Variants in MTA3 observed in about 807,000 individuals in gnomAD.
The protein encoded by MTA3 is metastasis associated 1 family member 3.
A neutral mutation model predicts 83.5 loss-of-function variants in MTA3; 34 were observed. The observed-to-expected ratio is 0.41, with a 90% CI of 0.31 to 0.54. The LOEUF (loss-of-function observed/expected upper bound fraction) is 0.54. MTA3 is among the 20% of genes least tolerant of loss of function. The pLI, the probability that MTA3 is intolerant of heterozygous loss-of-function variation, is 0.33. For synonymous variants in MTA3, 303 were observed against 252.7 expected, an observed-to-expected ratio of 1.20 and a Z score of -1.89; for missense variants, 761 against 726.4, an observed-to-expected ratio of 1.05 and a Z score of -0.55.
At chr2:42,685,515 C>A (rs1403021845) in intron 9 of MTA3, among the ~76,000 whole-genome samples, 1 of 152,220 alleles carries the variant, frequency 6.6e-6, no homozygotes, top group Non-Finnish European at 1.5e-5. Context: ...CGTGCTGTCT[C>A]TCCCTTGAAC....
intron 14 of MTA3, among the ~76,000 whole-genome samples, chr2:42,718,719 C>T (rs922990662): frequency 9.2e-5 from 14 of 151,984 alleles, no homozygotes; most frequent in Non-Finnish European, 1.3e-4. Flanking sequence ...GCTGAGAGCA[C>T]GCTATTGTAC....
At chr2:42,527,236 A>G (rs953979944) in intron 2 of MTA3, among the ~76,000 whole-genome samples, 2 of 152,058 alleles carry the variant, frequency 1.3e-5, no homozygotes, top group African/African-American at 4.8e-5. Flanking sequence ...TCAACAAATC[A>G]AGGCTCAGCT....
At chr2:42,556,183 G>A (rs539246248) in intron 2 of MTA3, among the ~76,000 whole-genome samples, 1 of 151,446 alleles carries the variant, frequency 6.6e-6, no homozygotes, top group South Asian at 2.1e-4. Context: ...CAGCCTGACT[G>A]TTTGGGTGTC....
At chr2:42,594,724 A>AT (rs1290668170) in intron 3 of MTA3, among the ~76,000 whole-genome samples, 27 of 31,260 alleles carry the variant, frequency 8.6e-4, no homozygotes, top group African/African-American at 3.5e-3. Context: ...ATATATATAT[A>AT]TATATTTTTT....
intron 4 of MTA3, among the ~76,000 whole-genome samples, chr2:42,636,873 C>T (rs896823025): frequency 2.5e-4 from 38 of 152,152 alleles, no homozygotes; most frequent in Non-Finnish European, 8.8e-5. Context: ...GACCCGCCCG[C>T]ATCGGCCTCC....
chr2:42,703,814 C>T (rs978185557), intron 11 of MTA3: 14 of 166,580 alleles, frequency 8.4e-5, no homozygotes, highest in Non-Finnish European at 1.4e-4. Flanking sequence ...TGCTTGAACC[C>T]GGGACACGGA....
At chr2:42,577,133 T>A (rs1484196076) in intron 2 of MTA3, among the ~76,000 whole-genome samples, 13 of 84,812 alleles carry the variant, frequency 1.5e-4, no homozygotes, top group South Asian at 5.6e-4. Context: ...TATATATATA[T>A]AAAAATGAAC....
At chr2:42,625,946 C>CTTT (rs540658051) in intron 4 of MTA3, among the ~76,000 whole-genome samples, 1 of 129,002 alleles carries the variant, frequency 7.8e-6, no homozygotes, top group Non-Finnish European at 1.7e-5. Context: ...TTTTTTTTTT[C>CTTT]TTTTTTTTTT....
chr2:42,527,836 A>AAG (rs1675787976), intron 2 of MTA3, among the ~76,000 whole-genome samples: 1 of 151,722 alleles, frequency 6.6e-6, no homozygotes, highest in Non-Finnish European at 1.5e-5. Context: ...AAAAAAAAAA[A>AAG]ACAAAAACAA....
chr2:42,714,878 A>T (rs1666916089), intron 14 of MTA3, among the ~76,000 whole-genome samples: 1 of 152,172 alleles, frequency 6.6e-6, no homozygotes, highest in Non-Finnish European at 1.5e-5. Flanking sequence ...CACTGACCTG[A>T]CAGGAGGCGG....
chr2:42,595,191 G>A (rs1207150117), intron 3 of MTA3, among the ~76,000 whole-genome samples: 1 of 136,350 alleles, frequency 7.3e-6, no homozygotes, highest in East Asian at 2.2e-4. Context: ...CTCACTGCAA[G>A]CTCCACTTCC....
intron 16 of MTA3, among the ~76,000 whole-genome samples, chr2:42,730,418 A>G (rs917550491): frequency 3.3e-5 from 5 of 152,230 alleles, no homozygotes; most frequent in African/African-American, 1.2e-4. Context: ...AAGGATTTTT[A>G]TCATGAGGGG....
chr2:42,599,110 T>C (rs1682220655), intron 3 of MTA3, among the ~76,000 whole-genome samples: 2 of 152,142 alleles, frequency 1.3e-5, no homozygotes, highest in Non-Finnish European at 2.9e-5. Flanking sequence ...ATGTCCCATA[T>C]CCTTTCAGTG....
intron 2 of MTA3, among the ~76,000 whole-genome samples, chr2:42,515,663 C>T (rs369819505): frequency 4.6e-5 from 7 of 151,126 alleles, no homozygotes; most frequent in South Asian, 2.1e-4. Context: ...CCACCTCGCT[C>T]GGCTAATTTT....
intron 6 of MTA3, among the ~76,000 whole-genome samples, chr2:42,644,792 C>T (rs1688019978): frequency 6.6e-6 from 1 of 152,052 alleles, no homozygotes; most frequent in East Asian, 1.9e-4. Context: ...TTTGGGGCCA[C>T]GAACCGTACC....
chr2:42,654,774 A>G (rs1398036085), intron 6 of MTA3, among the ~76,000 whole-genome samples: 1 of 152,042 alleles, frequency 6.6e-6, no homozygotes, highest in Non-Finnish European at 1.5e-5. Flanking sequence ...GCCACAACAC[A>G]TGGCTAATTT....
chr2:42,602,907 G>A (rs1017826239), intron 3 of MTA3, among the ~76,000 whole-genome samples: 2 of 152,114 alleles, frequency 1.3e-5, no homozygotes, highest in Non-Finnish European at 2.9e-5. Context: ...CTTCAGAGAA[G>A]CCTCTGCTGG....
chr2:42,543,770 G>C (rs907982753), intron 2 of MTA3, among the ~76,000 whole-genome samples: 2 of 151,314 alleles, frequency 1.3e-5, no homozygotes, highest in African/African-American at 4.9e-5. Flanking sequence ...ACAGGCATGA[G>C]CCGCTATGCC....
intron 2 of MTA3, among the ~76,000 whole-genome samples, chr2:42,534,046 T>G (rs993847293): frequency 4.6e-5 from 7 of 152,084 alleles, no homozygotes; most frequent in African/African-American, 1.7e-4. Flanking sequence ...GGACTTTTTC[T>G]TAGAAAACCT....
Sources: gnomAD v4.1 joint callset for allele counts (sites outside exome capture counted in the v4.1 genomes callset) on GRCh38, gnomAD v4.1.1 for gene constraint, MANE v1.5 for transcripts, NCBI Gene and HGNC (gene_info 2026-07-23, HGNC 2026-07-21) for gene names.